Variants in LZTR1 observed in about 807,000 individuals in gnomAD.
LZTR1 encodes leucine-zipper-like transcriptional regulator 1.
Under a neutral mutation model 105.7 loss-of-function variants are expected in LZTR1, and 260 were observed. The observed-to-expected ratio is 2.46, with a 90% CI of 2.22 to 2.72. The LOEUF is 2.72. Ranked by LOEUF, LZTR1 falls within the 30% of genes most tolerant of loss-of-function variation. The probability of loss-of-function intolerance (pLI) is 0.00; values close to 1 mark genes in which losing one functional copy is unlikely to be tolerated. For missense variants in LZTR1, 1,214 were observed against 1,166.9 expected (o/e 1.04, Z -0.59); for synonymous variants, 490 against 476.4 (o/e 1.03, Z -0.37).
chr22:20,995,069 G>C (rs756519184), intron 16 of LZTR1, 43 bp downstream of exon 16: 3 of 1,572,204 alleles, frequency 1.9e-6, no homozygotes, highest in Non-Finnish European at 2.6e-6. Context: ...GGGAGGGATG[G>C]TGTTCATCTG....
Position 20,995,813 on chromosome 22 carries a change from T to G in LZTR1, c.2010T>G (p.Thr670=), listed in dbSNP as rs752017610. ...EGAGAEFCDI[T]LLLDGHPRPA... ...CGGGCGCGGAATTCTGTGACATCAC[T>G]CTGTTGCTTGACGGGCACCCACGGC... The change falls in exon 17 of 21, where the codon ACT becomes ACG. Residue 670 remains threonine, a synonymous_variant. Transcript: ENST00000646124. 2 of 1,613,366 alleles carry G rather than the reference T, an allele frequency of 1.2e-6. No individual in the cohort carries two copies. Among genetic ancestry groups the G allele is most frequent in the Non-Finnish European group, 1.7e-6 (2 of 1,179,958 alleles).
chr22:20,995,904 G>T, intron 17 of LZTR1, 32 bp downstream of exon 17: 2 of 1,613,092 alleles, frequency 1.2e-6, no homozygotes, highest in South Asian at 2.2e-5. Flanking sequence ...GGGGAGGGTG[G>T]GCCTGGATGG....
In LZTR1 at chr22:20,994,007, G is replaced by A; in HGVS notation, c.1437G>A (p.Glu479=). The change falls in exon 13 of 21, where the codon GAG becomes GAA. Residue 479 remains glutamate (E), a synonymous_variant. Transcript: ENST00000646124. ...GCAGGAAGATCACGCAGGCGCGGGA[G>A]AGGCTGGCCCAGGTGAGGTGCCTAA... ...WLRRKITQAR[E]RLAQKLEQEA... is the part of the protein sequence containing the mutation. 6.2e-7 allele frequency: 1 copy of A among 1,609,494 alleles called. No individual in the cohort carries two copies. The highest frequency in any genetic ancestry group is 8.5e-7 in the Non-Finnish European group (1 of 1,178,996).
chr22:20,987,938 C>T, intron 4 of LZTR1, 72 bp from the exon 5 acceptor site: 1 of 926,354 alleles, frequency 1.1e-6, no homozygotes, highest in South Asian at 1.5e-5. Context: ...CCAGATTCTG[C>T]TCCACCTTCC....
rs1569156242 is a variant in LZTR1 at position 20,992,265 on chromosome 22, A to G, written c.1045A>G (p.Thr349Ala). Residue 349 changes from threonine (T) to alanine (A), a missense_variant, in exon 10 of 21, where the codon ACC becomes GCC. Physicochemically the swap from Thr to Ala is moderately conservative, Grantham distance 58. Transcript: ENST00000646124. ...ERACASEEVP[T>A]LTYEERVGFK... is the part of the protein sequence containing the mutation. ...AGCCTGTGCTTCCGAGGAGGTGCCCACCCTGACCTATGAGGAGCGGGTTGG... is the reference window on the plus strand; with the variant it reads ...AGCCTGTGCTTCCGAGGAGGTGCCCGCCCTGACCTATGAGGAGCGGGTTGG... The G allele has an allele frequency of 6.2e-7, 1 of 1,613,908 alleles. No individual in the cohort carries two copies.
rs763326241 is a variant in LZTR1 at position 20,995,770 on chromosome 22, A to G, written c.1967A>G (p.Lys656Arg). The change falls in exon 17 of 21, where the codon AAG becomes AGG. Residue 656 changes from lysine to arginine, a missense_variant. Coordinates refer to ENST00000646124, the MANE Select transcript of LZTR1 (RefSeq NM_006767.4). ...DIGTSLIQDM[K>R]AYLEGAGAEF... is the part of the protein sequence containing the mutation. ...GGCACATCTCTGATCCAGGACATGA[A>G]GGCATACCTGGAGGGAGCGGGCGCG... 2.5e-6 allele frequency: 4 copies of G among 1,613,524 alleles called. No individual in the cohort carries two copies. Among genetic ancestry groups the G allele is most frequent in the Non-Finnish European group, 3.4e-6 (4 of 1,179,978 alleles).
chr22:20,996,932 A>G lies in LZTR1; in HGVS notation c.2372A>G (p.His791Arg). 1 of 1,613,570 alleles carries G rather than the reference A, an allele frequency of 6.2e-7. No individual in the cohort carries two copies. Among genetic ancestry groups the G allele is most frequent in the Non-Finnish European group, 8.5e-7 (1 of 1,179,876 alleles). Residue 791 changes from histidine (H) to arginine (R), a missense_variant, in exon 20 of 21, where the codon CAC becomes CGC. Coordinates refer to ENST00000646124, the MANE Select transcript of LZTR1 (RefSeq NM_006767.4). ...ACGCAGGCACTGGACATGAAGCGGC[A>G]CTGCCTGCACATCATTGTGCACCAG... ...DKTQALDMKR[H>R]CLHIIVHQFT... is the part of the protein sequence containing the mutation.
In LZTR1 at chr22:20,997,730, G is replaced by A; in HGVS notation, c.*382G>A. 1 of 183,796 alleles carries A rather than the reference G, an allele frequency of 5.4e-6. No homozygotes were observed. The highest frequency in any genetic ancestry group is 1.2e-4 in the South Asian group (1 of 8,442). 11.4% of individuals were successfully genotyped at this position (183,796 alleles called of 1,614,324 possible). On this transcript the variant is annotated 3_prime_UTR_variant, in exon 21 of 21. Transcript: ENST00000646124. Reference sequence around the variant, plus strand: ...GCGTGTTGTGGACTCAGGCACTGGGGCCTGTCACCAAGGCTCCTCCAACAT... The same window carrying A: ...GCGTGTTGTGGACTCAGGCACTGGGACCTGTCACCAAGGCTCCTCCAACAT...
At chr22:20,983,396 A>C (rs1458290942) in intron 2 of LZTR1, among the ~76,000 whole-genome samples, 2 of 152,224 alleles carry the variant, frequency 1.3e-5, no homozygotes, top group African/African-American at 4.8e-5. Flanking sequence ...CAGCCCTGCC[A>C]GGCACTTTTC....
chr22:20,995,799 T>C lies in LZTR1; in HGVS notation c.1996T>C (p.Phe666Leu). 6.2e-7 allele frequency: 1 copy of C among 1,613,488 alleles called. No individual in the cohort carries two copies. The highest frequency in any genetic ancestry group is 8.5e-7 in the Non-Finnish European group (1 of 1,179,936). The change falls in exon 17 of 21, where the codon TTC becomes CTC. Residue 666 changes from phenylalanine (F) to leucine (L), a missense_variant. Physicochemically the swap from Phe to Leu is conservative, Grantham distance 22. Transcript: ENST00000646124. ...ATACCTGGAGGGAGCGGGCGCGGAATTCTGTGACATCACTCTGTTGCTTGA... is the reference window on the plus strand; with the variant it reads ...ATACCTGGAGGGAGCGGGCGCGGAACTCTGTGACATCACTCTGTTGCTTGA... ...KAYLEGAGAE[F>L]CDITLLLDGH...
Position 20,994,970 on chromosome 22 carries a change from T to TGCGG in LZTR1, c.1887_1890dup (p.Arg631AlafsTer39). Reference sequence around the variant, plus strand: ...TCCTCTCCACTGATAGTGGAGATTGTGCGGCGGAAGCAGCAGCCGCCCCCT... The same window carrying TGCGG: ...TCCTCTCCACTGATAGTGGAGATTGTGCGGGCGGCGGAAGCAGCAGCCGCCCCCT... On this transcript the variant is annotated frameshift_variant, in exon 16 of 21. Transcript: ENST00000646124. LOFTEE classifies it high-confidence loss of function. 1.2e-6 allele frequency: 2 copies of TGCGG among 1,613,194 alleles called. No homozygotes were observed. Among genetic ancestry groups the TGCGG allele is most frequent in the Non-Finnish European group, 1.7e-6 (2 of 1,179,982 alleles).
rs538624569 is a variant in LZTR1 at position 20,988,827 on chromosome 22, A to T, written c.548A>T (p.Tyr183Phe). ...VARSAHGATV[Y>F]SDKLWIFAGY... ...AGGTCAGCCCATGGGGCCACGGTGT[A>T]CAGTGACAAGCTGTGGATCTTTGCT... The change falls in exon 6 of 21, where the codon TAC (tyrosine) becomes TTC (phenylalanine). Residue 183 changes from tyrosine (Y) to phenylalanine (F), a missense_variant. Physicochemically the swap from Tyr to Phe is conservative, Grantham distance 22. Coordinates refer to ENST00000646124, the MANE Select transcript of LZTR1 (RefSeq NM_006767.4). The T allele has an allele frequency of 1.9e-6, 3 of 1,614,088 alleles. No homozygotes were observed. The East Asian group carries it at 6.7e-5, about 36-fold the overall frequency.
Position 20,987,584 on chromosome 22 carries a change from G to A in LZTR1, c.400+1G>A, listed in dbSNP as rs1555927561. On this transcript the variant is annotated splice_donor_variant, in intron 4 of 20. Transcript: ENST00000646124. LOFTEE classifies it high-confidence loss of function. ...TATGGGAGCAGCATGTTTGTCTTTG[G>A]TAAGCAGCCTCTTGCCTCCCAGGGG... The A allele has an allele frequency of 6.2e-7, 1 of 1,613,886 alleles. No homozygotes were observed. The highest frequency in any genetic ancestry group is 1.3e-5 in the African/African-American group (1 of 74,922).
Position 20,982,529 on chromosome 22 carries a change from G to A in LZTR1, c.158G>A (p.Arg53His), listed in dbSNP as rs1924232677. The change falls in exon 1 of 21, where the codon CGC (arginine) becomes CAC (histidine). Residue 53 changes from arginine (R) to histidine (H), a missense_variant. Arg to His is a conservative substitution (Grantham distance 29). Transcript: ENST00000646124. ...LNFGPFETVH[R>H]WRRLPPCDEF... ...TTCGGGCCCTTCGAAACAGTGCATC[G>A]CTGGCGGCGCCTCCCGCCCTGCGAC... 1 of 1,613,070 alleles carries A rather than the reference G, an allele frequency of 6.2e-7. No individual in the cohort carries two copies. Among genetic ancestry groups the A allele is most frequent in the Middle Eastern group, 1.6e-4 (1 of 6,062 alleles).
rs1299831895 is a variant in LZTR1, at chr22:20,985,730, C to A, written c.264-111C>A. ...GCTGGTTGCCTGGCTGTGTTAGTGACCCAGCCCACAACAGCCCCCTACTCT... is the reference window on the plus strand; with the variant it reads ...GCTGGTTGCCTGGCTGTGTTAGTGAACCAGCCCACAACAGCCCCCTACTCT... On this transcript the variant is annotated intron_variant, in intron 2 of 20. Coordinates refer to ENST00000646124, the MANE Select transcript of LZTR1 (RefSeq NM_006767.4). 42 of 971,532 alleles carry A rather than the reference C, an allele frequency of 4.3e-5. No individual in the cohort carries two copies. In the East Asian group the frequency reaches 1.1e-3, roughly 24 times the overall value. 60.2% of individuals were successfully genotyped at this position (971,532 alleles called of 1,614,324 possible). A position where few individuals can be genotyped will look rare whatever the true frequency, so the allele number is the denominator to read the frequency against.
intron 3 of LZTR1, 53 bp from the exon 4 acceptor site, chr22:20,987,451 T>C: frequency 9.9e-7 from 1 of 1,013,166 alleles, no homozygotes; most frequent in East Asian, 2.4e-5. Flanking sequence ...TGTGGGGGTG[T>C]GGACCTCATG....
intron 9 of LZTR1, 102 bp from the exon 10 acceptor site, chr22:20,992,112 C>T (rs1924627246): frequency 2.5e-6 from 3 of 1,222,600 alleles, no homozygotes; most frequent in Non-Finnish European, 3.5e-6. Context: ...GCAGCTCTTC[C>T]TTCTTTCAGA....
Position 20,992,235 on chromosome 22 carries a change from G to C in LZTR1, c.1015G>C (p.Glu339Gln), listed in dbSNP as rs780578255. Residue 339 changes from glutamate to glutamine, a missense_variant, in exon 10 of 21, where the codon GAG (glutamate) becomes CAG (glutamine). Glu to Gln is a conservative substitution (Grantham distance 29). Coordinates refer to ENST00000646124, the MANE Select transcript of LZTR1 (RefSeq NM_006767.4). Reference sequence around the variant, plus strand: ...TCAGGTTGGTGGGGCTGAAGTGCCCGAGCGAGCCTGTGCTTCCGAGGAGGT... The same window carrying C: ...TCAGGTTGGTGGGGCTGAAGTGCCCCAGCGAGCCTGTGCTTCCGAGGAGGT... Reference protein sequence around the residue: ...DSEVGGAEVPERACASEEVPT... With the variant: ...DSEVGGAEVPQRACASEEVPT... The C allele has an allele frequency of 6.2e-7, 1 of 1,613,704 alleles. No homozygotes were observed.
At chr22:20,983,334 T>G (rs532471306) in intron 2 of LZTR1, among the ~76,000 whole-genome samples, 2 of 152,350 alleles carry the variant, frequency 1.3e-5, no homozygotes, top group Non-Finnish European at 2.9e-5. Context: ...TGTGGAAATG[T>G]CCCTCTTCTG....
Sources: allele counts gnomAD v4.1 joint callset (sites outside exome capture counted in the v4.1 genomes callset), GRCh38; gene constraint gnomAD v4.1.1; transcripts MANE v1.5; gene names NCBI Gene and HGNC (gene_info 2026-07-23, HGNC 2026-07-21).